The following TIAM1 variants were observed in gnomAD, a reference collection of about 807,000 sequenced individuals.
TIAM1 encodes the protein TIAM Rac1 associated GEF 1, also known as rho guanine nucleotide exchange factor TIAM1.
TIAM1 carries 65 observed loss-of-function variants against 163.5 expected under a neutral mutation model. The observed-to-expected ratio is 0.40, with a 90% confidence interval of 0.33 to 0.49. The LOEUF is 0.49. TIAM1 is among the 20% of genes least tolerant of loss of function. TIAM1 has a pLI of 0.77. For synonymous variants in TIAM1, 833 were observed against 810.1 expected (o/e 1.03, Z -0.48); for missense variants, 1,789 against 2,044.7 (o/e 0.87, Z 2.41).
intron 16 of TIAM1, among the ~76,000 whole-genome samples, chr21:31,162,799 G>C (rs536140303): frequency 6.6e-6 from 1 of 152,068 alleles, no homozygotes; most frequent in African/African-American, 2.4e-5. Context: ...AGAAAATTCT[G>C]TCCCTTTTTA....
chr21:31,161,493 C>A (rs1305260668), intron 16 of TIAM1, among the ~76,000 whole-genome samples: 1 of 152,140 alleles, frequency 6.6e-6, no homozygotes, highest in Non-Finnish European at 1.5e-5. Context: ...TACCACCACG[C>A]TCAACAACAA....
rs1282213133 is a variant in TIAM1, at chr21:31,501,351, G to T, written c.-421-37316C>A. ...TTTTTAAAAACGGAATGGGCTCTCA[G>T]CAAGCCACAGGTCAATCAGGATGGA... On this transcript the variant is annotated intron_variant, in intron 1 of 28. Coordinates refer to the TIAM1 transcript ENST00000286827. Among the ~76,000 whole-genome samples, 3 of 152,050 alleles carry T rather than the reference G, an allele frequency of 2.0e-5. No homozygotes were observed. In the East Asian group the frequency reaches 5.8e-4, roughly 29 times the overall value.
intron 2 of TIAM1, among the ~76,000 whole-genome samples, chr21:31,323,473 C>A (rs1440288129): frequency 6.6e-6 from 1 of 152,022 alleles, no homozygotes; most frequent in Non-Finnish European, 1.5e-5. Context: ...CTTTGGGAGG[C>A]CAACGTGGGC....
chr21:31,202,881 GT>G, intron 12 of TIAM1, 26 bp downstream of exon 12: 1 of 1,579,386 alleles, frequency 6.3e-7, no homozygotes, highest in East Asian at 2.2e-5. Flanking sequence ...CCCATAAAGT[GT>G]GCTTGGACAA....
intron 6 of TIAM1, among the ~76,000 whole-genome samples, chr21:31,231,729 T>C (rs2088445304): frequency 6.6e-6 from 1 of 151,896 alleles, no homozygotes; most frequent in African/African-American, 2.4e-5. Context: ...TGAAAAAGAG[T>C]TATGGGCCAG....
At chr21:31,267,592 G>C (rs1198147751) in intron 3 of TIAM1, among the ~76,000 whole-genome samples, 2 of 145,712 alleles carry the variant, frequency 1.4e-5, no homozygotes, top group African/African-American at 5.1e-5. Context: ...ACCTCAAGGT[G>C]TAAGTCTGAT....
rs370876069 is a variant in TIAM1 at position 31,415,028 on chromosome 21, G to A, written c.-369+48955C>T. 3.2e-4 allele frequency among the ~76,000 whole-genome samples: 49 copies of A among 152,322 alleles called. No homozygotes were observed. The South Asian group carries it at 9.9e-3, about 31-fold the overall frequency. On this transcript the variant is annotated intron_variant, in intron 2 of 28. Transcript: ENST00000286827. ...CAGAAAGGGTGTACCCCTGAGGGAT[G>A]GGGAATGTTCTGTGACTCTTCCAAC...
upstream of TIAM1, among the ~76,000 whole-genome samples, chr21:31,347,047 T>C (rs770948454): frequency 6.6e-6 from 1 of 152,178 alleles, no homozygotes; most frequent in African/African-American, 2.4e-5. Context: ...AAGCCACATA[T>C]ATGGTGGGGA....
intron 6 of TIAM1, among the ~76,000 whole-genome samples, chr21:31,231,113 GC>G (rs946793564): frequency 3.9e-5 from 6 of 151,920 alleles, no homozygotes; most frequent in African/African-American, 1.5e-4. Flanking sequence ...CCCCATTCTT[GC>G]CCCGTTGCCA....
intron 2 of TIAM1, among the ~76,000 whole-genome samples, chr21:31,306,342 G>A (rs1209418599): frequency 6.6e-6 from 1 of 151,712 alleles, no homozygotes; most frequent in Admixed American, 6.6e-5. Context: ...GAATAAAATA[G>A]GAAACTACAA....
chr21:31,186,638 G>T (rs1451384578), intron 14 of TIAM1, among the ~76,000 whole-genome samples: 2 of 152,042 alleles, frequency 1.3e-5, no homozygotes, highest in Non-Finnish European at 2.9e-5. Context: ...AATTAGTCAG[G>T]TGTGGTGGCA....
chr21:31,496,473 A>AAAAAAAAAAAAAAAAAC (rs2046648769), intron 1 of TIAM1, among the ~76,000 whole-genome samples: 1 of 151,786 alleles, frequency 6.6e-6, no homozygotes, highest in Non-Finnish European at 1.5e-5. Flanking sequence ...AAAAAAAAAA[A>AAAAAAAAAAAAAAAAAC]AAAAAAAAAA....
At chr21:31,429,433 G>A (rs1021605638) in intron 2 of TIAM1, among the ~76,000 whole-genome samples, 3 of 151,146 alleles carry the variant, frequency 2.0e-5, no homozygotes, top group African/African-American at 4.9e-5. Flanking sequence ...TTTAGAAAAC[G>A]TTGCACATGG....
chr21:31,130,153 A>T (rs2082355276), intron 25 of TIAM1, 60 bp downstream of exon 25: 1 of 1,477,072 alleles, frequency 6.8e-7, no homozygotes, highest in Admixed American at 1.7e-5. Context: ...ATTCAAACAA[A>T]TAATTCCTAC....
rs1441106515 is a variant in TIAM1 at position 31,120,093 on chromosome 21, ATTG to A, written c.*272_*274del. 7 of 349,274 alleles carry A rather than the reference ATTG, an allele frequency of 2.0e-5. No individual in the cohort carries two copies. Among genetic ancestry groups the A allele is most frequent in the Non-Finnish European group, 3.6e-5 (7 of 194,452 alleles). 21.6% of individuals were successfully genotyped at this position (349,274 alleles called of 1,614,324 possible). A position where few individuals can be genotyped will look rare whatever the true frequency, so the allele number is the denominator to read the frequency against. On this transcript the variant is annotated 3_prime_UTR_variant, in exon 28 of 28. Coordinates refer to ENST00000541036, the MANE Select transcript of TIAM1 (RefSeq NM_001353694.2). The surrounding 1 kb of genome is among the most constrained non-coding windows in gnomAD (Gnocchi z 4.2). ...GTGCTATAGAATCTTTTTTCTTTTA[ATTG>A]TTCAGGCCCTGATTTATTGAGAATA...
chr21:31,498,175 G>T (rs2046728483), intron 1 of TIAM1, among the ~76,000 whole-genome samples: 1 of 152,188 alleles, frequency 6.6e-6, no homozygotes, highest in African/African-American at 2.4e-5. Context: ...GCCATTTGGT[G>T]GTGTGTCACT....
chr21:31,423,628 T>C (rs1010730941), intron 2 of TIAM1, among the ~76,000 whole-genome samples: 32 of 135,388 alleles, frequency 2.4e-4, no homozygotes, highest in African/African-American at 8.9e-4. Flanking sequence ...CTCTAGGCCC[T>C]AGCCCTATAA....
intron 13 of TIAM1, among the ~76,000 whole-genome samples, chr21:31,193,794 G>A (rs1435235182): frequency 1.3e-5 from 2 of 152,184 alleles, no homozygotes; most frequent in Non-Finnish European, 2.9e-5. Context: ...GTGAGTGCCG[G>A]CAGTGTGAAT....
intron 2 of TIAM1, among the ~76,000 whole-genome samples, chr21:31,399,987 T>A (rs2077137587): frequency 6.6e-6 from 1 of 151,834 alleles, no homozygotes; most frequent in Non-Finnish European, 1.5e-5. Flanking sequence ...CACTCACACA[T>A]ATAAGTCAGA....
Sources: allele counts gnomAD v4.1 joint callset (sites outside exome capture counted in the v4.1 genomes callset), GRCh38; gene constraint gnomAD v4.1.1; non-coding constraint Gnocchi (gnomAD v3.1); transcripts MANE v1.5; gene names NCBI Gene and HGNC (gene_info 2026-07-23, HGNC 2026-07-21).